Variants in TDRD3 observed in about 807,000 individuals in gnomAD.
The protein encoded by TDRD3 is tudor domain-containing protein 3.
Under a neutral mutation model 86.7 loss-of-function variants are expected in TDRD3, and 45 were observed. The ratio of observed to expected loss-of-function variants is 0.52; its 90% confidence interval spans 0.41 to 0.67. The LOEUF (loss-of-function observed/expected upper bound fraction) is 0.67. Among genes scored for constraint, TDRD3 ranks in the 30% least tolerant of loss-of-function variants. The pLI is 0.00. For synonymous variants in TDRD3, 298 were observed against 301.7 expected (o/e 0.99, Z 0.13); for missense variants, 814 against 889.0 (o/e 0.92, Z 1.07).
intron 1 of TDRD3, among the ~76,000 whole-genome samples, chr13:60,406,974 A>G (rs1225313788): frequency 6.6e-6 from 1 of 152,234 alleles, no homozygotes; most frequent in Non-Finnish European, 1.5e-5. Flanking sequence ...AAGTGGGACC[A>G]TGAAGAGTTT....
chr13:60,504,857 G>A (rs1016620608), intron 8 of TDRD3, among the ~76,000 whole-genome samples: 4 of 152,126 alleles, frequency 2.6e-5, no homozygotes, highest in African/African-American at 9.7e-5. Flanking sequence ...GTCTCCCATA[G>A]CCAAGATAAG....
At chr13:60,452,653 G>T (rs1160271923) in intron 3 of TDRD3, among the ~76,000 whole-genome samples, 1 of 151,920 alleles carries the variant, frequency 6.6e-6, no homozygotes, top group Non-Finnish European at 1.5e-5. Flanking sequence ...GTTTATTGGT[G>T]ATTAATATTC....
In TDRD3 at chr13:60,415,465, A is replaced by G. The variant is rs150643536; in HGVS notation, c.41+18060A>G. Among the ~76,000 whole-genome samples, 249 of 152,260 alleles carry G rather than the reference A, an allele frequency of 1.6e-3. 8 individuals are homozygous for G. In the East Asian group the frequency reaches 0.042, roughly 26 times the overall value. On this transcript the variant is annotated intron_variant, in intron 1 of 13. Transcript: ENST00000377881. ...CAGGACTATAATTAACATATTGGTA[A>G]TAAGCAAACATACTCATTTAACAAA...
chr13:60,454,401 T>G (rs879909935), intron 3 of TDRD3, among the ~76,000 whole-genome samples: 2 of 152,208 alleles, frequency 1.3e-5, no homozygotes, highest in Admixed American at 1.3e-4. Flanking sequence ...TAATAATTTT[T>G]TTTAATATTT....
At chr13:60,453,144 G>A (rs1452615944) in intron 3 of TDRD3, among the ~76,000 whole-genome samples, 2 of 151,894 alleles carry the variant, frequency 1.3e-5, no homozygotes, top group Non-Finnish European at 2.9e-5. Context: ...AAAATATATA[G>A]CAAAAGCTAA....
At chr13:60,500,514 G>A (rs1332512923) in intron 8 of TDRD3, among the ~76,000 whole-genome samples, 1 of 152,174 alleles carries the variant, frequency 6.6e-6, no homozygotes, top group East Asian at 1.9e-4. Context: ...CCACCCAAAA[G>A]TGGACAGCTA....
chr13:60,456,986 G>T (rs112281495), intron 3 of TDRD3, among the ~76,000 whole-genome samples: 1 of 152,074 alleles, frequency 6.6e-6, no homozygotes, highest in Non-Finnish European at 1.5e-5. Flanking sequence ...GTGAGTCACC[G>T]CACCCAGCCT....
At chr13:60,559,017 G>A (rs1236189105) in intron 12 of TDRD3, among the ~76,000 whole-genome samples, 5 of 145,532 alleles carry the variant, frequency 3.4e-5, no homozygotes, top group African/African-American at 1.3e-4. Context: ...CTCACAATAA[G>A]CTAAGTTCCT....
At position 60,528,709 on chromosome 13, in the gene TDRD3, C is replaced by T; in HGVS notation, c.1484C>T (p.Ala495Val). The T allele has an allele frequency of 6.2e-7, 1 of 1,610,462 alleles. No homozygotes were observed. The highest frequency in any genetic ancestry group is 8.5e-7 in the Non-Finnish European group (1 of 1,179,036). ...YPLGSQHSDG[A>V]FKKRDNSMQS... ...TTAGGTTCTCAGCATAGTGATGGTG[C>T]TTTTAAAAAAAGAGATAACTCTATG... The change falls in exon 11 of 14, where the codon GCT (alanine) becomes GTT (valine). Residue 495 changes from alanine (A) to valine (V), a missense_variant. Physicochemically the swap from Ala to Val is moderately conservative, Grantham distance 64. Transcript: ENST00000377881.
chr13:60,441,612 T>C (rs912712676), intron 2 of TDRD3, among the ~76,000 whole-genome samples: 2 of 152,224 alleles, frequency 1.3e-5, no homozygotes, highest in Non-Finnish European at 2.9e-5. Flanking sequence ...TTTCAACTTT[T>C]GAGTGATTGT....
At chr13:60,403,128 G>T (rs2137799256) in intron 1 of TDRD3, among the ~76,000 whole-genome samples, 2 of 135,962 alleles carry the variant, frequency 1.5e-5, no homozygotes, top group Middle Eastern at 3.8e-3. Flanking sequence ...GGTGCTGTTT[G>T]CAGTGATTTT....
At chr13:60,509,662 T>C (rs527529111) in intron 8 of TDRD3, 101 bp from the exon 9 acceptor site, 1 of 1,373,652 alleles carries the variant, frequency 7.3e-7, no homozygotes, top group South Asian at 1.3e-5. Flanking sequence ...TTTACATAAG[T>C]ATGGGATGTA....
intron 6 of TDRD3, 68 bp from the exon 7 acceptor site, chr13:60,485,731 A>T: frequency 7.9e-7 from 1 of 1,272,186 alleles, no homozygotes; most frequent in Non-Finnish European, 1.0e-6. Flanking sequence ...AAGAAGTATT[A>T]CTTTCTAACG....
At chr13:60,418,648 G>T (rs1267737557) in intron 1 of TDRD3, among the ~76,000 whole-genome samples, 1 of 152,116 alleles carries the variant, frequency 6.6e-6, no homozygotes, top group Non-Finnish European at 1.5e-5. Context: ...TAGCATGATA[G>T]GTTTTGATAG....
intron 11 of TDRD3, among the ~76,000 whole-genome samples, chr13:60,530,064 C>T (rs1440583988): frequency 1.3e-5 from 2 of 152,160 alleles, no homozygotes; most frequent in Non-Finnish European, 2.9e-5. Flanking sequence ...TTTGACCTGC[C>T]CCATCCTCCT....
intron 10 of TDRD3, among the ~76,000 whole-genome samples, chr13:60,512,279 C>T (rs1425402280): frequency 1.3e-5 from 2 of 152,068 alleles, no homozygotes; most frequent in Non-Finnish European, 2.9e-5. Context: ...GAAAGACCTG[C>T]CCCCATGATT....
chr13:60,412,066 C>CTG (rs1388299060), intron 1 of TDRD3, among the ~76,000 whole-genome samples: 4 of 152,166 alleles, frequency 2.6e-5, no homozygotes, highest in African/African-American at 9.7e-5. Flanking sequence ...ATTCTGAGAA[C>CTG]TGTGGCCTAG....
chr13:60,436,141 T>A (rs1955097507), intron 1 of TDRD3, among the ~76,000 whole-genome samples: 1 of 99,740 alleles, frequency 1.0e-5, no homozygotes, highest in Admixed American at 1.1e-4. Context: ...TTGTTTGAGT[T>A]CCTTGTAGAT....
intron 1 of TDRD3, among the ~76,000 whole-genome samples, chr13:60,436,195 C>T (rs1209513968): frequency 6.6e-6 from 1 of 151,248 alleles, no homozygotes; most frequent in East Asian, 1.9e-4. Flanking sequence ...ATATTTTCTC[C>T]TGCTCTGTGG....
Sources: gnomAD v4.1 joint callset for allele counts (sites outside exome capture counted in the v4.1 genomes callset) on GRCh38, gnomAD v4.1.1 for gene constraint, MANE v1.5 for transcripts, NCBI Gene and HGNC (gene_info 2026-07-23, HGNC 2026-07-21) for gene names.